Variants in TIPIN observed in about 807,000 individuals in gnomAD.
TIPIN encodes the protein TIMELESS interacting protein.
Under a neutral mutation model 35.6 loss-of-function variants are expected in TIPIN, and 29 were observed. The ratio of observed to expected loss-of-function variants is 0.82; its 90% confidence interval spans 0.61 to 1.11. The LOEUF is 1.11. TIPIN is among the 50% of genes most tolerant of loss of function. The probability of loss-of-function intolerance (pLI) is 0.00; values close to 1 mark genes in which losing one functional copy is unlikely to be tolerated. For missense variants in TIPIN, 296 were observed against 345.4 expected (o/e 0.86, Z 1.13); for synonymous variants, 102 against 121.5 (o/e 0.84, Z 1.06).
chr15:66,363,196 AGT>A (rs1055275085), intron 1 of TIPIN, among the ~76,000 whole-genome samples: 1 of 152,034 alleles, frequency 6.6e-6, no homozygotes, highest in African/African-American at 2.4e-5. Flanking sequence ...TGGGCAACAT[AGT>A]GAGACCTTGT....
intron 2 of TIPIN, 75 bp from the exon 3 acceptor site, chr15:66,352,282 C>T: frequency 2.5e-6 from 3 of 1,200,106 alleles, no homozygotes; most frequent in Non-Finnish European, 2.4e-6. Context: ...CATTTCCAAG[C>T]TGATAAGATA....
At chr15:66,364,532 TA>T (rs2093245769) in intron 1 of TIPIN, among the ~76,000 whole-genome samples, 1 of 152,008 alleles carries the variant, frequency 6.6e-6, no homozygotes. Flanking sequence ...AAAGTTCCAC[TA>T]AAAAATCAAC....
intron 1 of TIPIN, among the ~76,000 whole-genome samples, chr15:66,373,448 G>A (rs1391405184): frequency 8.1e-5 from 12 of 147,852 alleles, no homozygotes; most frequent in African/African-American, 3.0e-4. Flanking sequence ...AGCTGAGATC[G>A]CACCACTGCA....
At chr15:66,371,374 T>G in intron 1 of TIPIN, 1 of 985,150 alleles carries the variant, frequency 1.0e-6, no homozygotes, top group Non-Finnish European at 1.2e-6. Context: ...TGTTTTAATG[T>G]GAGAAAGGCC....
intron 2 of TIPIN, 53 bp downstream of exon 2, chr15:66,352,762 T>G: frequency 1.3e-6 from 2 of 1,528,102 alleles, no homozygotes; most frequent in Non-Finnish European, 1.8e-6. Context: ...ATTACAGGCA[T>G]GAGCCACCGT....
chr15:66,373,583 T>A (rs373638061), intron 1 of TIPIN, among the ~76,000 whole-genome samples: 7 of 152,198 alleles, frequency 4.6e-5, no homozygotes, highest in Admixed American at 2.0e-4. Flanking sequence ...TTAGAAGATA[T>A]CGCCAGTTTT....
chr15:66,367,679 C>T (rs2093261895), intron 1 of TIPIN, among the ~76,000 whole-genome samples: 2 of 151,626 alleles, frequency 1.3e-5, no homozygotes, highest in Admixed American at 1.3e-4. Flanking sequence ...AGACATGAGC[C>T]ACCACACTTG....
chr15:66,347,671 C>A (rs1194799588), intron 6 of TIPIN, among the ~76,000 whole-genome samples: 1 of 152,158 alleles, frequency 6.6e-6, no homozygotes, highest in Non-Finnish European at 1.5e-5. Flanking sequence ...CAACCTCCAC[C>A]TCCTGGATTC....
At chr15:66,365,024 A>G (rs1489933337) in intron 1 of TIPIN, among the ~76,000 whole-genome samples, 1 of 151,580 alleles carries the variant, frequency 6.6e-6, no homozygotes, top group Admixed American at 6.6e-5. Context: ...AGAAAAAGGC[A>G]TTTGAACCAG....
intron 1 of TIPIN, among the ~76,000 whole-genome samples, chr15:66,364,260 A>G (rs2093244412): frequency 7.0e-6 from 1 of 142,194 alleles, no homozygotes; most frequent in Admixed American, 7.6e-5. Context: ...CTGCCTCCCG[A>G]GTTCAAGCAA....
Position 66,349,429 on chromosome 15 carries a change from G to A in TIPIN, c.297C>T (p.Asp99=), listed in dbSNP as rs1051160497. 13 of 1,610,628 alleles carry A rather than the reference G, an allele frequency of 8.1e-6. No individual in the cohort carries two copies. The highest frequency in any genetic ancestry group is 5.4e-5 in the African/African-American group (4 of 74,766). The change falls in exon 5 of 8, where the codon GAC becomes GAT. Residue 99 remains aspartate, a synonymous_variant. Coordinates refer to ENST00000261881, the MANE Select transcript of TIPIN (RefSeq NM_017858.3). ...CCATGTGTCTGATTAGCATCTTCAA[G>A]TCTTCAGCCTGCCACATAAAAATAA... ...KFKGKGHEAE[D]LKMLIRHMEH...
chr15:66,385,005 G>A lies in TIPIN; in HGVS notation c.-9+1602C>T, dbSNP rs141593149. On this transcript the variant is annotated intron_variant, in intron 1 of 7. Transcript: ENST00000562124. ...ATACCTCCAATTCCAATACAATAGC[G>A]TAAGGTATTCTCCCTTCCCATACTT... Among the ~76,000 whole-genome samples the A allele has an allele frequency of 3.3e-3, 505 of 152,250 alleles. 3 individuals carry two copies. Among genetic ancestry groups the A allele is most frequent in the African/African-American group, 0.011 (473 of 41,556 alleles).
intron 1 of TIPIN, among the ~76,000 whole-genome samples, chr15:66,373,576 G>A (rs1175305992): frequency 1.3e-5 from 2 of 151,902 alleles, no homozygotes; most frequent in African/African-American, 4.8e-5. Context: ...TTAAATCTTA[G>A]AAGATATCGC....
intron 1 of TIPIN, among the ~76,000 whole-genome samples, chr15:66,363,387 T>C (rs181838375): frequency 2.0e-5 from 3 of 151,436 alleles, no homozygotes; most frequent in African/African-American, 7.3e-5. Context: ...CTCACATCTA[T>C]GATCCCAGCA....
chr15:66,346,257 C>CTTTT (rs536484516), intron 6 of TIPIN, among the ~76,000 whole-genome samples: 1 of 131,084 alleles, frequency 7.6e-6, no homozygotes, highest in African/African-American at 2.8e-5. Context: ...CTTAATTTAT[C>CTTTT]TTTTTTTTTT....
At chr15:66,339,345 A>C (rs992616231) in intron 7 of TIPIN, among the ~76,000 whole-genome samples, 1 of 151,530 alleles carries the variant, frequency 6.6e-6, no homozygotes. Context: ...TCCCAGGCTC[A>C]AGTGATCTGC....
intron 7 of TIPIN, among the ~76,000 whole-genome samples, chr15:66,339,131 C>CAAAAAAAAAAAA (rs35065958): frequency 9.7e-5 from 2 of 20,592 alleles, no homozygotes; most frequent in Non-Finnish European, 1.4e-4. Flanking sequence ...GACTCCATCT[C>CAAAAAAAAAAAA]AAAAAAAAAA....
rs566455668 is a variant in TIPIN at position 66,351,441 on chromosome 15, T to A, written c.288+84A>T. 71 of 993,920 alleles carry A rather than the reference T, an allele frequency of 7.1e-5. No homozygotes were observed. The Admixed American group carries it at 8.3e-4, about 12-fold the overall frequency. The allele number at this position is 993,920 out of a possible 1,614,324, so 61.6% of individuals were successfully genotyped here. A position where few individuals can be genotyped will look rare whatever the true frequency, so the allele number is the denominator to read the frequency against. ...GACTAAGGATAGTATCTTAAAGCAT[T>A]CTGAGATTTCCAAGATCATAATGGG... On this transcript the variant is annotated intron_variant, in intron 4 of 7. Transcript: ENST00000261881.
At chr15:66,372,688 G>C (rs781475517) in intron 1 of TIPIN, among the ~76,000 whole-genome samples, 1 of 152,144 alleles carries the variant, frequency 6.6e-6, no homozygotes, top group Non-Finnish European at 1.5e-5. Flanking sequence ...GGCGGATCAC[G>C]AGGTCAAGAG....
Sources: allele counts gnomAD v4.1 joint callset (sites outside exome capture counted in the v4.1 genomes callset), GRCh38; gene constraint gnomAD v4.1.1; transcripts MANE v1.5; gene names NCBI Gene and HGNC (gene_info 2026-07-23, HGNC 2026-07-21).